MEGF6: variants seen among roughly 807,000 people sequenced by gnomAD.
The protein encoded by MEGF6 is multiple epidermal growth factor-like domains protein 6.
A neutral mutation model predicts 207.1 loss-of-function variants in MEGF6; 184 were observed. That is an observed-to-expected ratio of 0.89 (90% CI 0.79 to 1.00). The LOEUF (loss-of-function observed/expected upper bound fraction) is 1.00. Among genes scored for constraint, MEGF6 ranks in the 50% least tolerant of loss-of-function variants. The probability of loss-of-function intolerance (pLI) is 0.00; values close to 1 mark genes in which losing one functional copy is unlikely to be tolerated. For missense variants in MEGF6, 2,282 were observed against 2,202.9 expected (o/e 1.04, Z -0.72); for synonymous variants, 1,038 against 910.0 (o/e 1.14, Z -2.53).
Position 3,524,762 on chromosome 1 carries a change from T to A in MEGF6, c.482-516A>T, listed in dbSNP as rs546696747. On this transcript the variant is annotated intron_variant, in intron 4 of 36. Coordinates refer to ENST00000356575, the MANE Select transcript of MEGF6 (RefSeq NM_001409.4). ...TCTGGAGCCTTCCAGTGAGGCCTTG[T>A]CTGGAAACAGGGTCTTGGCAGCTGT... is the stretch of plus-strand genomic sequence containing the variant. Among the ~76,000 whole-genome samples, 618 of 152,264 alleles carry A rather than the reference T, an allele frequency of 4.1e-3. 6 individuals are homozygous for A. The highest frequency in any genetic ancestry group is 0.014 in the African/African-American group (582 of 41,542).
intron 4 of MEGF6, among the ~76,000 whole-genome samples, chr1:3,559,935 CG>C (rs1293916894): frequency 6.7e-6 from 1 of 149,222 alleles, no homozygotes; most frequent in African/African-American, 2.5e-5. Flanking sequence ...GGCATGAACC[CG>C]GGAGGCGGAG....
chr1:3,503,395 T>A (rs941769384), intron 17 of MEGF6, among the ~76,000 whole-genome samples: 2 of 152,004 alleles, frequency 1.3e-5, no homozygotes, highest in African/African-American at 4.8e-5. Flanking sequence ...GATCTTTCTA[T>A]CAACACTCGG....
chr1:3,601,268 C>T (rs1298764635), intron 2 of MEGF6, among the ~76,000 whole-genome samples: 1 of 152,252 alleles, frequency 6.6e-6, no homozygotes, highest in Non-Finnish European at 1.5e-5. Context: ...GCTCTTCCAC[C>T]ACGAGCTGTT....
chr1:3,492,580 G>C (rs750586723), intron 35 of MEGF6, 59 bp downstream of exon 35: 12 of 1,589,436 alleles, frequency 7.5e-6, no homozygotes, highest in Non-Finnish European at 1.0e-5. Flanking sequence ...TGCCAGGGTG[G>C]AGCTGAGGCT....
intron 21 of MEGF6, 119 bp downstream of exon 21, chr1:3,500,514 C>T: frequency 7.2e-7 from 1 of 1,398,202 alleles, no homozygotes; most frequent in Non-Finnish European, 9.5e-7. Flanking sequence ...CGGCCAAAGG[C>T]TTCGTGTGTG....
chr1:3,535,993 AG>A lies in MEGF6; in HGVS notation c.482-11748del, dbSNP rs777789488. Among the ~76,000 whole-genome samples the A allele has an allele frequency of 4.4e-3, 674 of 152,240 alleles. 4 individuals carry two copies. The highest frequency in any genetic ancestry group is 6.7e-3 in the Non-Finnish European group (454 of 67,998). ...CAGGGCTCAGTGCTGCAACTCTCCAAGGGGGCATCCCTGGGGCCTGGACAAA... is the reference window on the plus strand; with the variant it reads ...CAGGGCTCAGTGCTGCAACTCTCCAAGGGGCATCCCTGGGGCCTGGACAAA... On this transcript the variant is annotated intron_variant, in intron 4 of 36. Coordinates refer to ENST00000356575, the MANE Select transcript of MEGF6 (RefSeq NM_001409.4).
rs1478048352 is a variant in MEGF6, at chr1:3,510,918, C to T, written c.1115-16G>A. 6.3e-7 allele frequency: 1 copy of T among 1,591,216 alleles called. No individual in the cohort carries two copies. The highest frequency in any genetic ancestry group is 8.6e-7 in the Non-Finnish European group (1 of 1,163,070). ...TCGTCGACATCTGTGGAGCACACGC[C>T]ACGGGCCCCCTGGTACCAGGCACCT... is the stretch of plus-strand genomic sequence containing the variant. On this transcript the variant is annotated splice_polypyrimidine_tract_variant and intron_variant, in intron 9 of 36. Coordinates refer to ENST00000356575, the MANE Select transcript of MEGF6 (RefSeq NM_001409.4).
At chr1:3,548,818 G>A (rs998045751) in intron 4 of MEGF6, among the ~76,000 whole-genome samples, 6 of 152,154 alleles carry the variant, frequency 3.9e-5, no homozygotes, top group African/African-American at 1.2e-4. Flanking sequence ...CACCCACCCC[G>A]ACCCTGCTAG....
chr1:3,619,955 T>C, the MEGF6 span, among the ~76,000 whole-genome samples: 2 of 152,218 alleles, frequency 1.3e-5, no homozygotes, highest in Non-Finnish European at 2.9e-5. Flanking sequence ...GAAATGCTGA[T>C]AGTGATACGG....
intron 2 of MEGF6, among the ~76,000 whole-genome samples, chr1:3,598,351 T>A (rs538351621): frequency 6.6e-6 from 1 of 152,216 alleles, no homozygotes; most frequent in Non-Finnish European, 1.5e-5. Flanking sequence ...CACGTGCTCA[T>A]GCACGCGCAC....
chr1:3,577,931 C>T (rs1015143795), intron 4 of MEGF6, among the ~76,000 whole-genome samples: 3 of 152,198 alleles, frequency 2.0e-5, no homozygotes, highest in Admixed American at 6.5e-5. Context: ...GTGTGCAGCC[C>T]GCAGTGAGCC....
chr1:3,491,212 G>A (rs1640348517), intron 35 of MEGF6, among the ~76,000 whole-genome samples: 1 of 151,700 alleles, frequency 6.6e-6, no homozygotes, highest in Non-Finnish European at 1.5e-5. Flanking sequence ...GGGCTTTACC[G>A]AACGCCAAGC....
intron 34 of MEGF6, chr1:3,493,559 C>G (rs1640466731): frequency 1.5e-6 from 1 of 661,312 alleles, no homozygotes; most frequent in Admixed American, 3.2e-5. Context: ...ACGGCAGGGC[C>G]TGGCCTAAGG....
intron 32 of MEGF6, 44 bp from the exon 33 acceptor site, chr1:3,494,168 G>A (rs749687664): frequency 6.6e-7 from 1 of 1,523,714 alleles, no homozygotes; most frequent in Non-Finnish European, 8.8e-7. Flanking sequence ...CACGGTGGCA[G>A]AAATGTCCAG....
In MEGF6 at chr1:3,498,516, A is replaced by G; in HGVS notation, c.3224-17T>C. ...GGAGGCACTCTACAGGAGCAGAGGCAGGCACGAGGGTGAGGGTCCTGCCTC... is the reference window on the plus strand; with the variant it reads ...GGAGGCACTCTACAGGAGCAGAGGCGGGCACGAGGGTGAGGGTCCTGCCTC... On this transcript the variant is annotated splice_polypyrimidine_tract_variant and intron_variant, in intron 25 of 36. Coordinates refer to ENST00000356575, the MANE Select transcript of MEGF6 (RefSeq NM_001409.4). The G allele has an allele frequency of 6.4e-7, 1 of 1,557,700 alleles. No individual in the cohort carries two copies. The highest frequency in any genetic ancestry group is 8.7e-7 in the Non-Finnish European group (1 of 1,151,428).
At chr1:3,528,721 G>A (rs1190315720) in intron 4 of MEGF6, among the ~76,000 whole-genome samples, 1 of 152,116 alleles carries the variant, frequency 6.6e-6, no homozygotes, top group Non-Finnish European at 1.5e-5. Flanking sequence ...CTTTGAGGAT[G>A]GAGGAGGGGC....
chr1:3,510,886 T>C lies in MEGF6; in HGVS notation c.1131A>G (p.Ala377=), dbSNP rs1641320372. The C allele has an allele frequency of 6.2e-7, 1 of 1,607,998 alleles. No homozygotes were observed. Residue 377 remains alanine, a synonymous_variant, in exon 10 of 37, where the codon GCA becomes GCG. Coordinates refer to ENST00000356575, the MANE Select transcript of MEGF6 (RefSeq NM_001409.4). ...QRTCIDVDDC[A]DSPCCQQVCT... is the part of the protein sequence containing the mutation. ...ACACCTGCTGGCAGCACGGGCTGTC[T>C]GCACAGTCGTCGACATCTGTGGAGC...
At chr1:3,506,787 T>A (rs1641135672) in intron 14 of MEGF6, among the ~76,000 whole-genome samples, 1 of 152,116 alleles carries the variant, frequency 6.6e-6, no homozygotes, top group Non-Finnish European at 1.5e-5. Context: ...CCCCAGGACC[T>A]GGAGACTAGG....
chr1:3,493,682 G>A, intron 34 of MEGF6, 89 bp downstream of exon 34: 3 of 1,530,214 alleles, frequency 2.0e-6, no homozygotes, highest in Middle Eastern at 1.8e-4. Flanking sequence ...GCCAGCCCAG[G>A]ACTGGCACAG....
Sources: gnomAD v4.1 joint callset for allele counts (sites outside exome capture counted in the v4.1 genomes callset) on GRCh38, gnomAD v4.1.1 for gene constraint, MANE v1.5 for transcripts, NCBI Gene and HGNC (gene_info 2026-07-23, HGNC 2026-07-21) for gene names.